Variants in GPATCH1 observed in about 807,000 individuals in gnomAD.
The protein encoded by GPATCH1 is G-patch domain containing 1.
A neutral mutation model predicts 114.9 loss-of-function variants in GPATCH1; 73 were observed. The observed-to-expected ratio is 0.64, with a 90% CI of 0.53 to 0.77. GPATCH1 has a LOEUF of 0.77. Ranked by LOEUF, GPATCH1 falls within the 30% of genes least tolerant of loss-of-function variation. The pLI, the probability that GPATCH1 is intolerant of heterozygous loss-of-function variation, is 0.00. For missense variants in GPATCH1, 1,058 were observed against 1,144.3 expected, an observed-to-expected ratio of 0.92 and a Z score of 1.09; for synonymous variants, 391 against 428.4, an observed-to-expected ratio of 0.91 and a Z score of 1.08.
At chr19:33,109,254 C>T (rs748761648) in intron 10 of GPATCH1, among the ~76,000 whole-genome samples, 3 of 151,608 alleles carry the variant, frequency 2.0e-5, no homozygotes, top group South Asian at 2.1e-4. Context: ...TGGTGGCTCA[C>T]GCCTGTAATC....
chr19:33,120,271 C>CAATTATATATATAAATTATATAA (rs1972966073), intron 17 of GPATCH1, among the ~76,000 whole-genome samples: 1 of 120,284 alleles, frequency 8.3e-6, no homozygotes, highest in African/African-American at 3.0e-5. Flanking sequence ...TTATATATAA[C>CAATTATATATATAAATTATATAA]AATTATATAT....
Position 33,095,780 on chromosome 19 carries a change from A to G in GPATCH1, c.572A>G (p.Tyr191Cys). Residue 191 changes from tyrosine (Y) to cysteine (C), a missense_variant, in exon 6 of 20, where the codon TAT (tyrosine) becomes TGT (cysteine). Coordinates refer to ENST00000170564, the MANE Select transcript of GPATCH1 (RefSeq NM_018025.3). ...TTTCTAGATCCTGGAGTCAAAATCT[A>G]TGGCTGTGCATTACCCCCTGGAAGC... ...RQKPDPGVKIYGCALPPGSSE... is the reference protein window; with the variant it reads ...RQKPDPGVKICGCALPPGSSE... 1 of 1,611,082 alleles carries G rather than the reference A, an allele frequency of 6.2e-7. No homozygotes were observed. Among genetic ancestry groups the G allele is most frequent in the Non-Finnish European group, 8.5e-7 (1 of 1,177,326 alleles).
At chr19:33,081,410 G>A in intron 1 of GPATCH1, 144 bp downstream of exon 1, 3 of 726,526 alleles carry the variant, frequency 4.1e-6, no homozygotes, top group South Asian at 1.7e-5. Flanking sequence ...CGTTAGCCGC[G>A]CTCTCGGGGT....
chr19:33,099,334 A>G (rs1972698319), intron 8 of GPATCH1, among the ~76,000 whole-genome samples: 1 of 151,856 alleles, frequency 6.6e-6, no homozygotes, highest in African/African-American at 2.4e-5. Context: ...AATTAATGAT[A>G]TGTAATGACA....
In GPATCH1 at chr19:33,112,510, G is replaced by T. The variant is rs767956563; in HGVS notation, c.1789G>T (p.Ala597Ser). 1 of 1,614,048 alleles carries T rather than the reference G, an allele frequency of 6.2e-7. No individual in the cohort carries two copies. The highest frequency in any genetic ancestry group is 1.1e-5 in the South Asian group (1 of 91,076). ...GAATGATGTCGGGGATAAGCAGTCG[G>T]CTGTGAAGATGAAGATGTTTGGGAA... ...QENDVGDKQSAVKMKMFGKLT... is the reference protein window; with the variant it reads ...QENDVGDKQSSVKMKMFGKLT... Residue 597 changes from alanine to serine, a missense_variant, in exon 13 of 20, where the codon GCT becomes TCT. Coordinates refer to ENST00000170564, the MANE Select transcript of GPATCH1 (RefSeq NM_018025.3).
chr19:33,116,496 A>G (rs1469512923), intron 15 of GPATCH1, among the ~76,000 whole-genome samples: 5 of 152,074 alleles, frequency 3.3e-5, no homozygotes, highest in Non-Finnish European at 7.4e-5. Flanking sequence ...TTTTTGCTGG[A>G]TATAGAATTC....
chr19:33,095,538 C>T (rs1437530890), intron 5 of GPATCH1, among the ~76,000 whole-genome samples: 4 of 151,912 alleles, frequency 2.6e-5, no homozygotes, highest in Admixed American at 6.6e-5. Flanking sequence ...ACTGGGATTA[C>T]AGGCATGAGC....
chr19:33,102,487 C>T (rs1972738531), intron 9 of GPATCH1, among the ~76,000 whole-genome samples: 1 of 149,584 alleles, frequency 6.7e-6, no homozygotes, highest in East Asian at 2.0e-4. Context: ...ACCTCCGCCT[C>T]CCAAATTCAA....
intron 17 of GPATCH1, among the ~76,000 whole-genome samples, chr19:33,123,428 A>G (rs1054803222): frequency 2.7e-5 from 4 of 147,254 alleles, no homozygotes; most frequent in Admixed American, 2.1e-4. Flanking sequence ...AGAATTTTGG[A>G]AAAAAAAAAA....
chr19:33,100,827 C>G (rs1315594665), intron 8 of GPATCH1, among the ~76,000 whole-genome samples: 1 of 149,470 alleles, frequency 6.7e-6, no homozygotes, highest in Non-Finnish European at 1.5e-5. Flanking sequence ...GAATACAGTT[C>G]ATTTATACGG....
At chr19:33,102,595 C>T (rs915937030) in intron 9 of GPATCH1, among the ~76,000 whole-genome samples, 1 of 151,764 alleles carries the variant, frequency 6.6e-6, no homozygotes, top group Admixed American at 6.6e-5. Context: ...TGGGGTTTCA[C>T]CATGTTGGTC....
At chr19:33,113,937 C>T in intron 14 of GPATCH1, 34 bp downstream of exon 14, 3 of 1,604,074 alleles carry the variant, frequency 1.9e-6, no homozygotes, top group Non-Finnish European at 1.7e-6. Context: ...TCTGATTGAC[C>T]AGGGCCTCAA....
chr19:33,113,985 T>C, intron 14 of GPATCH1, 82 bp downstream of exon 14: 1 of 1,267,144 alleles, frequency 7.9e-7, no homozygotes, highest in South Asian at 1.3e-5. Context: ...AAGGGTAGTT[T>C]AGTCCTAACA....
chr19:33,111,350 C>T (rs1972850382), intron 11 of GPATCH1, among the ~76,000 whole-genome samples: 2 of 147,100 alleles, frequency 1.4e-5, no homozygotes, highest in Non-Finnish European at 1.5e-5. Flanking sequence ...TGCCACTGCA[C>T]TCCAGCCTGG....
In GPATCH1 at chr19:33,111,722, A is replaced by G; in HGVS notation, c.1586-2A>G. 1 of 1,613,304 alleles carries G rather than the reference A, an allele frequency of 6.2e-7. No individual in the cohort carries two copies. Among genetic ancestry groups the G allele is most frequent in the Non-Finnish European group, 8.5e-7 (1 of 1,179,844 alleles). On this transcript the variant is annotated splice_acceptor_variant, in intron 11 of 19. Coordinates refer to ENST00000170564, the MANE Select transcript of GPATCH1 (RefSeq NM_018025.3). LOFTEE classifies it high-confidence loss of function. ...GCTGCTTCTTGTTCTCTGCCCCCGCAGATGCTCTGGAACGCTGTCTGGACC... is the reference window on the plus strand; with the variant it reads ...GCTGCTTCTTGTTCTCTGCCCCCGCGGATGCTCTGGAACGCTGTCTGGACC...
At chr19:33,103,117 T>C (rs7247748) in intron 9 of GPATCH1, among the ~76,000 whole-genome samples, 63,393 of 152,214 alleles carry the variant, frequency 0.42, 16,673 homozygotes, top group African/African-American at 0.73. Context: ...AGGAGGGGTG[T>C]CTGGCCATCT....
In GPATCH1 at chr19:33,095,787, T is replaced by C. The variant is rs1219628066; in HGVS notation, c.579T>C (p.Cys193=). Residue 193 remains cysteine, a synonymous_variant, in exon 6 of 20, where the codon TGT becomes TGC. Coordinates refer to ENST00000170564, the MANE Select transcript of GPATCH1 (RefSeq NM_018025.3). ...KPDPGVKIYG[C]ALPPGSSEGS... The stretch of plus-strand genomic sequence containing the variant: ...ATCCTGGAGTCAAAATCTATGGCTG[T>C]GCATTACCCCCTGGAAGCTCGGAAG... The C allele has an allele frequency of 1.2e-6, 2 of 1,611,890 alleles. No individual in the cohort carries two copies. Among genetic ancestry groups the C allele is most frequent in the Non-Finnish European group, 1.7e-6 (2 of 1,178,016 alleles).
chr19:33,084,622 A>C (rs953823183), intron 1 of GPATCH1, among the ~76,000 whole-genome samples: 8 of 147,816 alleles, frequency 5.4e-5, no homozygotes, highest in African/African-American at 1.7e-4. Flanking sequence ...CTCCCGTTAG[A>C]CTGGACTTTC....
In GPATCH1 at chr19:33,130,239, TAC is replaced by T; in HGVS notation, c.*81_*82del. ...CAGTGATTGTTCAGTTAACGCATTGTACAGAGTGTATTTATATGTAAATTCCT... is the reference window on the plus strand; with the variant it reads ...CAGTGATTGTTCAGTTAACGCATTGTAGAGTGTATTTATATGTAAATTCCT... On this transcript the variant is annotated 3_prime_UTR_variant, in exon 20 of 20. Transcript: ENST00000170564. 1.1e-6 allele frequency: 1 copy of T among 935,206 alleles called. No homozygotes were observed. The highest frequency in any genetic ancestry group is 1.7e-6 in the Non-Finnish European group (1 of 583,932). The allele number at this position is 935,206 out of a possible 1,614,324, so 57.9% of individuals were successfully genotyped here. A position where few individuals can be genotyped will look rare whatever the true frequency, so the allele number is the denominator to read the frequency against.
Sources: gnomAD v4.1 joint callset for allele counts (sites outside exome capture counted in the v4.1 genomes callset) on GRCh38, gnomAD v4.1.1 for gene constraint, MANE v1.5 for transcripts, NCBI Gene and HGNC (gene_info 2026-07-23, HGNC 2026-07-21) for gene names.